ADAM11: variants seen among roughly 807,000 people sequenced by gnomAD.
ADAM11 encodes the protein ADAM metallopeptidase domain 11.
In ADAM11, 49 loss-of-function variants were observed where a neutral mutation model predicts 119.1. The ratio of observed to expected loss-of-function variants is 0.41; its 90% CI spans 0.33 to 0.52. ADAM11 has a LOEUF of 0.52. Among genes scored for constraint, ADAM11 ranks in the 20% least tolerant of loss-of-function variants. The pLI, the probability that ADAM11 is intolerant of heterozygous loss-of-function variation, is 0.20. For missense variants in ADAM11, 777 were observed against 1,047.5 expected, an observed-to-expected ratio of 0.74 and a Z score of 3.56; for synonymous variants, 364 against 408.0, an observed-to-expected ratio of 0.89 and a Z score of 1.30.
chr17:44,775,823 G>A lies in ADAM11; in HGVS notation c.1485+147G>A. On this transcript the variant is annotated intron_variant, in intron 17 of 26. Transcript: ENST00000200557. This position sits in a 1 kb window ranked among gnomAD's most constrained non-coding sequence, Gnocchi z 7.5. ...GGCTTGATGCGAAGACAGCGCCAAT[G>A]GGGAGCAAGGGGCGGGGCTGAAGGA... 1.2e-6 allele frequency: 1 copy of A among 865,004 alleles called. No individual in the cohort carries two copies. The highest frequency in any genetic ancestry group is 3.5e-4 in the Middle Eastern group (1 of 2,842). The allele number at this position is 865,004 out of a possible 1,614,324, so 53.6% of individuals were successfully genotyped here. A position where few individuals can be genotyped will look rare whatever the true frequency, so the allele number is the denominator to read the frequency against.
chr17:44,763,570 G>A (rs2049413862), intron 2 of ADAM11, among the ~76,000 whole-genome samples: 2 of 152,316 alleles, frequency 1.3e-5, no homozygotes, highest in Admixed American at 6.5e-5. Flanking sequence ...GCAGCCGAGG[G>A]GTGGTGCAGG....
chr17:44,775,162 G>C lies in ADAM11; in HGVS notation c.1221-50G>C, dbSNP rs1359030851. On this transcript the variant is annotated intron_variant, in intron 14 of 26. Transcript: ENST00000200557. The surrounding 1 kb of genome is among the most constrained non-coding windows in gnomAD (Gnocchi z 7.5). Reference sequence around the variant, plus strand: ...CCCTCCCCAGCCTTGAGAGGGGTGAGGGTGGGTTGGAGGGGAGCAGCCAGC... The same window carrying C: ...CCCTCCCCAGCCTTGAGAGGGGTGACGGTGGGTTGGAGGGGAGCAGCCAGC... 6.8e-7 allele frequency: 1 copy of C among 1,480,308 alleles called. No individual in the cohort carries two copies. 91.7% of individuals were successfully genotyped at this position (1,480,308 alleles called of 1,614,324 possible).
At chr17:44,766,211 G>A (rs929247110) in intron 2 of ADAM11, among the ~76,000 whole-genome samples, 35 of 152,134 alleles carry the variant, frequency 2.3e-4, no homozygotes, top group African/African-American at 7.5e-4. Context: ...AGGGAGGTCC[G>A]GGCAGGAGTT....
Position 44,777,140 on chromosome 17 carries a change from G to C in ADAM11, c.1682-26G>C. The C allele has an allele frequency of 6.3e-7, 1 of 1,580,968 alleles. No homozygotes were observed. The highest frequency in any genetic ancestry group is 8.6e-7 in the Non-Finnish European group (1 of 1,163,376). On this transcript the variant is annotated intron_variant, in intron 20 of 26. Transcript: ENST00000200557. This position sits in a 1 kb window ranked among gnomAD's most constrained non-coding sequence, Gnocchi z 5.1. ...TTGGGGTGGGTCCTGGGGCGCGTGG[G>C]GTCACTTGGCATCCTCTCCCCACAG...
rs2049656342 is a variant in ADAM11 at position 44,779,244 on chromosome 17, G to A, written c.2294+5G>A. On this transcript the variant is annotated splice_donor_5th_base_variant and intron_variant, in intron 26 of 26. Transcript: ENST00000200557. ...CAGAAACATTCGCCGAGGAAGGTAC[G>A]ACCCGACCCAGCAGGGGGCAGTGTG... The A allele has an allele frequency of 5.7e-6, 9 of 1,579,930 alleles. No homozygotes were observed. The highest frequency in any genetic ancestry group is 7.7e-6 in the Non-Finnish European group (9 of 1,166,812).
intron 2 of ADAM11, among the ~76,000 whole-genome samples, chr17:44,760,186 C>G (rs2049373344): frequency 6.6e-6 from 1 of 152,240 alleles, no homozygotes; most frequent in Admixed American, 6.5e-5. Context: ...GCCCCCTGCT[C>G]TGCTCTGGCC....
intron 26 of ADAM11, 96 bp from the exon 27 acceptor site, chr17:44,779,643 C>T: frequency 4.0e-6 from 6 of 1,507,654 alleles, no homozygotes; most frequent in Middle Eastern, 2.3e-4. Flanking sequence ...TTGCCGCCTG[C>T]CTCCAGGGCC....
chr17:44,771,050 G>T (rs969724123), intron 4 of ADAM11, among the ~76,000 whole-genome samples: 2 of 152,136 alleles, frequency 1.3e-5, no homozygotes, highest in African/African-American at 4.8e-5. Flanking sequence ...GGAGGCGGAG[G>T]TTGCAGTGAG....
chr17:44,777,952 G>GCAGCAA lies in ADAM11; in HGVS notation c.2071_2072insCAGCAA (p.Val691delinsAlaAlaIle). The GCAGCAA allele has an allele frequency of 6.2e-7, 1 of 1,614,026 alleles. No homozygotes were observed. The highest frequency in any genetic ancestry group is 1.1e-5 in the South Asian group (1 of 91,058). On this transcript the variant is annotated protein_altering_variant and splice_region_variant, in exon 24 of 27. Transcript: ENST00000200557. The surrounding 1 kb of genome is among the most constrained non-coding windows in gnomAD (Gnocchi z 5.1). Reference sequence around the variant, plus strand: ...TCTCCTGGCCCTGCCCTGCCTCTAGGTCTGCAGCAATGAAGGGAAGTGCAT... The same window carrying GCAGCAA: ...TCTCCTGGCCCTGCCCTGCCTCTAGGCAGCAATCTGCAGCAATGAAGGGAAGTGCAT...
In ADAM11 at chr17:44,777,242, TG is replaced by T; in HGVS notation, c.1760del (p.Gly587AlafsTer26). ...ERGSCGRKGS[G>X]WVQCSKQDVL... The stretch of plus-strand genomic sequence containing the variant: ...GTGGGAGCTGTGGGCGCAAGGGATC[TG>T]GCTGGGTCCAGTGCAGTAAGCAGTG... On this transcript the variant is annotated frameshift_variant, in exon 21 of 27. Coordinates refer to ENST00000200557, the MANE Select transcript of ADAM11 (RefSeq NM_002390.6). LOFTEE classifies it high-confidence loss of function. This position sits in a 1 kb window ranked among gnomAD's most constrained non-coding sequence, Gnocchi z 5.1. 1 of 1,606,544 alleles carries T rather than the reference TG, an allele frequency of 6.2e-7. No homozygotes were observed.
At chr17:44,778,615 G>C (rs12451016) in intron 25 of ADAM11, among the ~76,000 whole-genome samples, 89,309 of 147,518 alleles carry the variant, frequency 0.61, 27,543 homozygotes, top group East Asian at 0.77. Context: ...TGCTTGAACC[G>C]GGGAGGTGGA....
chr17:44,774,508 C>T lies in ADAM11; in HGVS notation c.1094C>T (p.Ala365Val), dbSNP rs748916413. Residue 365 changes from alanine (A) to valine (V), a missense_variant, in exon 13 of 27, where the codon GCG becomes GTG. Ala to Val is a moderately conservative substitution (Grantham distance 64). Transcript: ENST00000200557. The stretch of plus-strand genomic sequence containing the variant: ...CACCCCCAGTACGGCAACATGGGGG[C>T]GATGGCCGTGACCCTTGCCCAGACG... ...GGVNEYGNMG[A>V]MAVTLAQTLG... The T allele has an allele frequency of 2.0e-5, 32 of 1,612,852 alleles. No homozygotes were observed. The highest frequency in any genetic ancestry group is 3.3e-4 in the Middle Eastern group (2 of 6,080).
At chr17:44,764,709 A>C (rs1261734006) in intron 2 of ADAM11, among the ~76,000 whole-genome samples, 1 of 152,080 alleles carries the variant, frequency 6.6e-6, no homozygotes, top group Non-Finnish European at 1.5e-5. Context: ...AGCCCCCTGA[A>C]CACCACCTTC....
At chr17:44,779,162 G>C (rs2049654589) in intron 25 of ADAM11, 60 bp from the exon 26 acceptor site, 1 of 1,563,126 alleles carries the variant, frequency 6.4e-7, no homozygotes, top group African/African-American at 1.4e-5. Flanking sequence ...CCCTCCCTGA[G>C]AGAAGCAAAA....
At chr17:44,767,680 C>G (rs907621705) in intron 2 of ADAM11, among the ~76,000 whole-genome samples, 2 of 152,256 alleles carry the variant, frequency 1.3e-5, no homozygotes, top group Admixed American at 1.3e-4. Flanking sequence ...CCCGGCACTG[C>G]CCCAGGGGCT....
Position 44,774,260 on chromosome 17 carries a change from G to A in ADAM11, c.993-35G>A, listed in dbSNP as rs774704445. ...ACCACCCGGGGAGCCACAGGGGAGG[G>A]CAGGAGGCCATCCTGACAGCGCACT... On this transcript the variant is annotated intron_variant, in intron 11 of 26. Coordinates refer to ENST00000200557, the MANE Select transcript of ADAM11 (RefSeq NM_002390.6). 17 of 1,392,638 alleles carry A rather than the reference G, an allele frequency of 1.2e-5. 1 individual carries two copies. The East Asian group carries it at 3.4e-4, about 28-fold the overall frequency. The allele number at this position is 1,392,638 out of a possible 1,614,324, so 86.3% of individuals were successfully genotyped here. A position where few individuals can be genotyped will look rare whatever the true frequency, so the allele number is the denominator to read the frequency against.
Position 44,779,219 on chromosome 17 carries a change from C to A in ADAM11, c.2277-3C>A. On this transcript the variant is annotated splice_region_variant and splice_polypyrimidine_tract_variant and intron_variant, in intron 25 of 26. Transcript: ENST00000200557. ...CTCCCCTTCCACCATCCTCCCCCTG[C>A]AGAAACATTCGCCGAGGAAGGTACG... 2 of 1,587,694 alleles carry A rather than the reference C, an allele frequency of 1.3e-6. No individual in the cohort carries two copies. The highest frequency in any genetic ancestry group is 1.7e-6 in the Non-Finnish European group (2 of 1,169,886).
chr17:44,769,971 C>A lies in ADAM11; in HGVS notation c.315-11C>A, dbSNP rs1396382812. ...CCGTGACCCCCCTTCCTGCTGCCCC[C>A]TCTGTCTCAGCCACCTCCTCTCCTC... On this transcript the variant is annotated splice_polypyrimidine_tract_variant and intron_variant, in intron 3 of 26. Coordinates refer to ENST00000200557, the MANE Select transcript of ADAM11 (RefSeq NM_002390.6). 1 of 1,614,032 alleles carries A rather than the reference C, an allele frequency of 6.2e-7. No individual in the cohort carries two copies. The highest frequency in any genetic ancestry group is 8.5e-7 in the Non-Finnish European group (1 of 1,179,934).
At position 44,777,443 on chromosome 17, in the gene ADAM11, G is replaced by A. The variant is rs1217092494; in HGVS notation, c.1782-39G>A. 3 of 1,606,994 alleles carry A rather than the reference G, an allele frequency of 1.9e-6. No homozygotes were observed. The highest frequency in any genetic ancestry group is 2.6e-6 in the Non-Finnish European group (3 of 1,173,896). ...TTAGAGTTCAGTAGTTGAGTCTGAG[G>A]TCAAACTTGGGGCTCACTGTCTCTA... On this transcript the variant is annotated intron_variant, in intron 21 of 26. Transcript: ENST00000200557. The surrounding 1 kb of genome is among the most constrained non-coding windows in gnomAD (Gnocchi z 5.1).
Sources: allele counts gnomAD v4.1 joint callset (sites outside exome capture counted in the v4.1 genomes callset), GRCh38; gene constraint gnomAD v4.1.1; non-coding constraint Gnocchi (gnomAD v3.1); transcripts MANE v1.5; gene names NCBI Gene and HGNC (gene_info 2026-07-23, HGNC 2026-07-21).